TBC1D13: variants seen among roughly 807,000 people sequenced by gnomAD.
The protein encoded by TBC1D13 is TBC1 domain family member 13.
Under a neutral mutation model 53.6 loss-of-function variants are expected in TBC1D13, and 40 were observed. That is an observed-to-expected ratio of 0.75 (90% CI 0.58 to 0.97). TBC1D13 has a LOEUF of 0.97. Among genes scored for constraint, TBC1D13 ranks in the 50% least tolerant of loss-of-function variants. The pLI is 0.00. For synonymous variants in TBC1D13, 182 were observed against 197.7 expected (o/e 0.92, Z 0.67); for missense variants, 377 against 499.4 (o/e 0.75, Z 2.34).
intron 7 of TBC1D13, among the ~76,000 whole-genome samples, chr9:128,799,999 C>T (rs1022931330): frequency 6.6e-5 from 10 of 152,170 alleles, no homozygotes; most frequent in Admixed American, 3.3e-4. Context: ...CCAGCCTGGG[C>T]GACAGAGCGA....
chr9:128,789,366 A>G (rs147910836), intron 2 of TBC1D13, among the ~76,000 whole-genome samples: 2 of 149,046 alleles, frequency 1.3e-5, no homozygotes, highest in Non-Finnish European at 3.0e-5. Flanking sequence ...TGTCATCCTC[A>G]TATAGATTCT....
chr9:128,804,734 T>TTTG (rs1554795977), intron 9 of TBC1D13, among the ~76,000 whole-genome samples: 179 of 124,538 alleles, frequency 1.4e-3, no homozygotes, highest in Middle Eastern at 0.01. Context: ...TTTTTTTTTT[T>TTTG]TTTTTTTTTT....
At chr9:128,800,900 A>G (rs1322632637) in intron 7 of TBC1D13, among the ~76,000 whole-genome samples, 1 of 151,966 alleles carries the variant, frequency 6.6e-6, no homozygotes, top group African/African-American at 2.4e-5. Context: ...GGTGGCTCAC[A>G]CCTGTAATCC....
intron 2 of TBC1D13, chr9:128,789,805 A>ATG (rs1386720244): frequency 5.5e-5 from 5 of 91,664 alleles, no homozygotes; most frequent in African/African-American, 8.4e-5. Context: ...ATATATATAT[A>ATG]TATATATAAT....
In TBC1D13 at chr9:128,787,368, C is replaced by G. The variant is rs770394116; in HGVS notation, c.15C>G (p.His5Gln). The G allele has an allele frequency of 2.5e-5, 32 of 1,259,906 alleles. No homozygotes were observed. The highest frequency in any genetic ancestry group is 4.1e-4 in the Middle Eastern group (2 of 4,876). 78.0% of individuals were successfully genotyped at this position (1,259,906 alleles called of 1,614,324 possible). MSSLHKSRIADFQDV... is the reference protein window; with the variant it reads MSSLQKSRIADFQDV... ...AAGTCAACACCATGTCAAGTCTGCA[C>G]AAGAGCCGGTAAGGGGCCATGGGGC... Residue 5 changes from histidine to glutamine, a missense_variant, in exon 1 of 12, where the codon CAC (histidine) becomes CAG (glutamine). Physicochemically the swap from His to Gln is conservative, Grantham distance 24. Transcript: ENST00000372648.
intron 2 of TBC1D13, 26 bp downstream of exon 2, chr9:128,788,433 G>T (rs750680966): frequency 1.7e-5 from 27 of 1,608,974 alleles, no homozygotes; most frequent in Non-Finnish European, 2.1e-5. Context: ...GTATTTTCAC[G>T]GTTTCCCTAC....
In TBC1D13 at chr9:128,804,051, A is replaced by C; in HGVS notation, c.850A>C (p.Ile284Leu). ...IKSLDDSQCG[I>L]TYKMEKVYST... ...GAGCCTGGATGACTCGCAGTGTGGC[A>C]TCACCTACAAGATGGAGAAGGTTTA... The change falls in exon 9 of 12, where the codon ATC (isoleucine) becomes CTC (leucine). Residue 284 changes from isoleucine to leucine, a missense_variant. Coordinates refer to ENST00000372648, the MANE Select transcript of TBC1D13 (RefSeq NM_018201.5). 2 of 1,614,118 alleles carry C rather than the reference A, an allele frequency of 1.2e-6. No individual in the cohort carries two copies. The highest frequency in any genetic ancestry group is 1.7e-6 in the Non-Finnish European group (2 of 1,180,026).
intron 7 of TBC1D13, among the ~76,000 whole-genome samples, 159 bp downstream of exon 7, chr9:128,797,373 T>C (rs530929821): frequency 2.0e-5 from 3 of 152,226 alleles, no homozygotes; most frequent in Admixed American, 1.3e-4. Flanking sequence ...TTTCTAAAAG[T>C]TGGGTAACAG....
rs1428232112 is a variant in TBC1D13, at chr9:128,791,403, G to A, written c.162G>A (p.Leu54=). 7 of 1,614,144 alleles carry A rather than the reference G, an allele frequency of 4.3e-6. No individual in the cohort carries two copies. Among genetic ancestry groups the A allele is most frequent in the South Asian group, 3.3e-5 (3 of 91,088 alleles). ...CWKILLNYLP[L]ERASWTSILA... is the part of the protein sequence containing the mutation. ...AGATTCTCTTGAACTACCTTCCCTT[G>A]GAGAGAGCCTCATGGACCTCCATCC... The change falls in exon 4 of 12, where the codon TTG becomes TTA. Residue 54 remains leucine, a synonymous_variant. Coordinates refer to ENST00000372648, the MANE Select transcript of TBC1D13 (RefSeq NM_018201.5).
At chr9:128,805,332 A>G (rs1229777437) in intron 9 of TBC1D13, among the ~76,000 whole-genome samples, 3 of 148,104 alleles carry the variant, frequency 2.0e-5, no homozygotes, top group African/African-American at 2.5e-5. Flanking sequence ...CCTCATCTCT[A>G]AAAAAAAAAG....
chr9:128,790,443 G>A (rs1018952164), intron 2 of TBC1D13, among the ~76,000 whole-genome samples: 1 of 151,382 alleles, frequency 6.6e-6, no homozygotes, highest in East Asian at 2.0e-4. Flanking sequence ...GCACAGTGGC[G>A]CGTGCCTGTA....
chr9:128,797,711 G>A (rs1829660953), intron 7 of TBC1D13, among the ~76,000 whole-genome samples: 1 of 152,022 alleles, frequency 6.6e-6, no homozygotes, highest in Admixed American at 6.5e-5. Context: ...GCTGAGGTAG[G>A]AGGATGGTTT....
At chr9:128,789,015 T>A (rs1451984318) in intron 2 of TBC1D13, among the ~76,000 whole-genome samples, 1 of 152,194 alleles carries the variant, frequency 6.6e-6, no homozygotes, top group Non-Finnish European at 1.5e-5. Flanking sequence ...TTTTTGCCCT[T>A]GTAACTTTGC....
In TBC1D13 at chr9:128,790,738, T is replaced by C. The variant is rs761666100; in HGVS notation, c.101T>C (p.Ile34Thr). The change falls in exon 3 of 12, where the codon ATC becomes ACC. Residue 34 changes from isoleucine (I) to threonine (T), a missense_variant. Coordinates refer to ENST00000372648, the MANE Select transcript of TBC1D13 (RefSeq NM_018201.5). ...EKLRELSFSGIPCEGGLRCLC... is the reference protein window; with the variant it reads ...EKLRELSFSGTPCEGGLRCLC... ...CCTTTGCCTGCTGTGTCCACAGGCA[T>C]CCCCTGTGAGGGCGGACTGCGGTGC... The C allele has an allele frequency of 6.4e-7, 1 of 1,551,920 alleles. No homozygotes were observed. Among genetic ancestry groups the C allele is most frequent in the Admixed American group, 2.2e-5 (1 of 44,492 alleles).
At position 128,808,658 on chromosome 9, in the gene TBC1D13, C is replaced by T. The variant is rs1471962851; in HGVS notation, c.*779C>T. 1.3e-5 allele frequency: 2 copies of T among 152,528 alleles called. No homozygotes were observed. Among genetic ancestry groups the T allele is most frequent in the African/African-American group, 2.4e-5 (1 of 41,420 alleles). The allele number at this position is 152,528 out of a possible 1,614,324, so 9.4% of individuals were successfully genotyped here. A position where few individuals can be genotyped will look rare whatever the true frequency, so the allele number is the denominator to read the frequency against. On this transcript the variant is annotated 3_prime_UTR_variant, in exon 12 of 12. Transcript: ENST00000372648. Reference sequence around the variant, plus strand: ...TCCTCTCCCCGCTTGCCTCTGCTCCCCTGAACCTGGGAGACAGATGAGGAG... The same window carrying T: ...TCCTCTCCCCGCTTGCCTCTGCTCCTCTGAACCTGGGAGACAGATGAGGAG...
At position 128,792,494 on chromosome 9, in the gene TBC1D13, A is replaced by G; in HGVS notation, c.303A>G (p.Pro101=). The part of the protein sequence containing the change: ...SREDVTFEDH[P]LNPNPDSRWN... ...AGCATCTTCATTTCTCCCCACAGCC[A>G]CTCAACCCCAACCCTGACAGCCGGT... is the stretch of plus-strand genomic sequence containing the variant. The change falls in exon 6 of 12, where the codon CCA becomes CCG. Residue 101 remains proline (P), a splice_region_variant and synonymous_variant. Transcript: ENST00000372648. 1.2e-6 allele frequency: 2 copies of G among 1,613,970 alleles called. No homozygotes were observed. Among genetic ancestry groups the G allele is most frequent in the Middle Eastern group, 1.6e-4 (1 of 6,062 alleles).
intron 7 of TBC1D13, 122 bp downstream of exon 7, chr9:128,797,336 T>G: frequency 1.9e-6 from 2 of 1,031,832 alleles, no homozygotes; most frequent in Non-Finnish European, 2.8e-6. Context: ...CTCAGCGCAA[T>G]CCTGATGCTG....
chr9:128,801,887 G>A (rs899422443), intron 7 of TBC1D13, among the ~76,000 whole-genome samples: 3 of 149,864 alleles, frequency 2.0e-5, no homozygotes, highest in Admixed American at 6.7e-5. Flanking sequence ...TCAGTCTCCC[G>A]AGTAGCTGGG....
At chr9:128,800,866 A>G (rs928431019) in intron 7 of TBC1D13, among the ~76,000 whole-genome samples, 1 of 151,856 alleles carries the variant, frequency 6.6e-6, no homozygotes, top group Non-Finnish European at 1.5e-5. Context: ...TCTCCTGAGA[A>G]TAAGGGCATT....
Sources: gnomAD v4.1 joint callset for allele counts (sites outside exome capture counted in the v4.1 genomes callset) on GRCh38, gnomAD v4.1.1 for gene constraint, MANE v1.5 for transcripts, NCBI Gene and HGNC (gene_info 2026-07-23, HGNC 2026-07-21) for gene names.